The following DMRTB1 variants were observed in gnomAD, a reference collection of about 807,000 sequenced individuals.
DMRTB1 encodes the protein DMRT like family B with proline rich C-terminal 1, also known as doublesex- and mab-3-related transcription factor B1.
DMRTB1 carries 9 observed loss-of-function variants against 25.2 expected under a neutral mutation model. The observed-to-expected ratio is 0.36, with a 90% CI of 0.22 to 0.62. The LOEUF (loss-of-function observed/expected upper bound fraction) is 0.62. DMRTB1 is among the 20% of genes least tolerant of loss of function. DMRTB1 has a pLI of 0.71. For missense variants in DMRTB1, 551 were observed against 499.3 expected, an observed-to-expected ratio of 1.10 and a Z score of -0.99; for synonymous variants, 269 against 238.1, an observed-to-expected ratio of 1.13 and a Z score of -1.20.
intron 2 of DMRTB1, among the ~76,000 whole-genome samples, chr1:53,464,119 C>A (rs1402938509): frequency 2.6e-5 from 4 of 152,208 alleles, no homozygotes; most frequent in African/African-American, 9.7e-5. Context: ...TAAGTCACCA[C>A]ATGTGCCAGA....
chr1:53,463,848 C>G (rs759351886), intron 2 of DMRTB1, among the ~76,000 whole-genome samples: 1 of 152,190 alleles, frequency 6.6e-6, no homozygotes, highest in Non-Finnish European at 1.5e-5. Context: ...ATCCAAAACT[C>G]AGTATTATTT....
chr1:53,461,752 G>A (rs1483407894), intron 2 of DMRTB1, 107 bp downstream of exon 2: 123 of 1,323,828 alleles, frequency 9.3e-5, no homozygotes, highest in Non-Finnish European at 1.2e-4. Flanking sequence ...CTGTGCCCAC[G>A]CCATGCCAGC....
intron 2 of DMRTB1, among the ~76,000 whole-genome samples, chr1:53,462,915 G>C (rs1644029754): frequency 6.6e-6 from 1 of 152,256 alleles, no homozygotes; most frequent in African/African-American, 2.4e-5. Context: ...AAAGAGAGGG[G>C]CTCTGGCCAA....
Position 53,459,929 on chromosome 1 carries a change from G to A in DMRTB1, c.476G>A (p.Gly159Glu). 1 of 1,561,884 alleles carries A rather than the reference G, an allele frequency of 6.4e-7. No homozygotes were observed. Among genetic ancestry groups the A allele is most frequent in the East Asian group, 2.4e-5 (1 of 41,478 alleles). The change falls in exon 1 of 4, where the codon GGA becomes GAA. Residue 159 changes from glycine to glutamate, a missense_variant. By Grantham distance (98) the Gly-to-Glu change is moderately conservative. Coordinates refer to ENST00000371445, the MANE Select transcript of DMRTB1 (RefSeq NM_033067.3). ...GCCGTGGCGATGCCCAGCCTTGCGG[G>A]ACCCCCTTTTGGGGCGGAGGCCGCA... ...RAAVAMPSLA[G>E]PPFGAEAAGS...
At chr1:53,460,230 A>C in intron 1 of DMRTB1, 200 bp downstream of exon 1, 1 of 726,242 alleles carries the variant, frequency 1.4e-6, no homozygotes, top group Non-Finnish European at 2.1e-6. Context: ...ACAGAAAGGA[A>C]TGGGCGGTTC....
chr1:53,461,776 T>C (rs934395254), intron 2 of DMRTB1, 131 bp downstream of exon 2: 3 of 1,147,570 alleles, frequency 2.6e-6, no homozygotes, highest in Non-Finnish European at 3.6e-6. Context: ...CGAGTGCTGG[T>C]GGAGGACTAG....
In DMRTB1 at chr1:53,464,775, C is replaced by T; in HGVS notation, c.889C>T (p.Pro297Ser). 1 of 1,613,656 alleles carries T rather than the reference C, an allele frequency of 6.2e-7. No individual in the cohort carries two copies. Among genetic ancestry groups the T allele is most frequent in the Admixed American group, 1.7e-5 (1 of 60,018 alleles). ...GYLSALHFLP[P>S]PPPPPPPSSF... The stretch of plus-strand genomic sequence containing the variant: ...CCTCTCTGCGCTCCACTTCCTCCCC[C>T]CGCCACCGCCACCACCACCTCCATC... The change falls in exon 3 of 4, where the codon CCG becomes TCG. Residue 297 changes from proline to serine, a missense_variant. Transcript: ENST00000371445.
In DMRTB1 at chr1:53,461,611, A is replaced by G; in HGVS notation, c.716A>G (p.His239Arg). ...GTCCCCCTGCAGCAGGGCTTCCGGC[A>G]TGTGTCCCGCAGCCAGTACCAAGGC... ...PGVPLQQGFR[H>R]VSRSQYQGGG... Residue 239 changes from histidine to arginine, a missense_variant, in exon 2 of 4, where the codon CAT becomes CGT. His to Arg is a conservative substitution (Grantham distance 29). Coordinates refer to ENST00000371445, the MANE Select transcript of DMRTB1 (RefSeq NM_033067.3). 1.2e-6 allele frequency: 2 copies of G among 1,608,302 alleles called. No individual in the cohort carries two copies. The highest frequency in any genetic ancestry group is 8.5e-7 in the Non-Finnish European group (1 of 1,177,912).
At chr1:53,462,008 G>A (rs144056809) in intron 2 of DMRTB1, among the ~76,000 whole-genome samples, 65 of 152,236 alleles carry the variant, frequency 4.3e-4, no homozygotes, top group Middle Eastern at 6.8e-3. Flanking sequence ...AAAATTTAGG[G>A]CAGAGCCAGG....
rs1291740538 is a variant in DMRTB1, at chr1:53,459,646, C to G, written c.193C>G (p.Gln65Glu). The G allele has an allele frequency of 1.3e-6, 2 of 1,553,562 alleles. No homozygotes were observed. The highest frequency in any genetic ancestry group is 1.9e-5 in the Admixed American group (1 of 51,494). The change falls in exon 1 of 4, where the codon CAG (glutamine) becomes GAG (glutamate). Residue 65 changes from glutamine (Q) to glutamate (E), a missense_variant. Coordinates refer to ENST00000371445, the MANE Select transcript of DMRTB1 (RefSeq NM_033067.3). Reference sequence around the variant, plus strand: ...CAAGACGCAGGCCGCCGAGGAGGAGCAGGAGGCGGCCCTGTGTGCGCAGGG... The same window carrying G: ...CAAGACGCAGGCCGCCGAGGAGGAGGAGGAGGCGGCCCTGTGTGCGCAGGG... ...VLKTQAAEEE[Q>E]EAALCAQGPK...
At chr1:53,461,030 A>C (rs1644019157) in intron 1 of DMRTB1, among the ~76,000 whole-genome samples, 4 of 152,182 alleles carry the variant, frequency 2.6e-5, no homozygotes, top group Admixed American at 2.6e-4. Flanking sequence ...ACCATGAGCC[A>C]GGCATTCGTG....
intron 2 of DMRTB1, among the ~76,000 whole-genome samples, chr1:53,464,023 C>T (rs919285678): frequency 2.6e-5 from 4 of 152,208 alleles, no homozygotes; most frequent in African/African-American, 7.2e-5. Context: ...TGCCTGAAGT[C>T]ACCCAGTGTA....
chr1:53,461,506 T>C lies in DMRTB1; in HGVS notation c.611T>C (p.Leu204Pro). The C allele has an allele frequency of 6.2e-7, 1 of 1,608,992 alleles. No individual in the cohort carries two copies. The highest frequency in any genetic ancestry group is 8.5e-7 in the Non-Finnish European group (1 of 1,177,420). The change falls in exon 2 of 4, where the codon CTG (leucine) becomes CCG (proline). Residue 204 changes from leucine (L) to proline (P), a missense_variant. Coordinates refer to ENST00000371445, the MANE Select transcript of DMRTB1 (RefSeq NM_033067.3). ...CTGAACATCAACCCGGACCGTGCAC[T>C]GGGCCCTGAGTACCCTGGTGGCTCC... ...RPLNINPDRALGPEYPGGSSM... is the reference protein window; with the variant it reads ...RPLNINPDRAPGPEYPGGSSM...
chr1:53,461,874 T>A (rs1485194690), intron 2 of DMRTB1, among the ~76,000 whole-genome samples: 1 of 152,240 alleles, frequency 6.6e-6, no homozygotes, highest in Non-Finnish European at 1.5e-5. Context: ...CCTGTGCTTT[T>A]CAGGGCAGTG....
In DMRTB1 at chr1:53,461,892, A is replaced by G. The variant is rs187320524; in HGVS notation, c.750+247A>G. Among the ~76,000 whole-genome samples the G allele has an allele frequency of 6.8e-4, 104 of 152,286 alleles. No individual in the cohort carries two copies. The East Asian group carries it at 0.014, about 20-fold the overall frequency. On this transcript the variant is annotated intron_variant, in intron 2 of 3. Coordinates refer to ENST00000371445, the MANE Select transcript of DMRTB1 (RefSeq NM_033067.3). ...GTGCTTTTCAGGGCAGTGGGCTGAA[A>G]GGCTCTGAGCGTTCAGGATGACCCC...
Position 53,460,020 on chromosome 1 carries a change from C to T in DMRTB1, c.567C>T (p.Phe189=), listed in dbSNP as rs764675595. 6.3e-7 allele frequency: 1 copy of T among 1,579,240 alleles called. No individual in the cohort carries two copies. ...TGCGGACCGTGCCCGGCCCACTGTT[C>T]ACCGACTTTGGTAAGTCGTGGCCTT... ...RPMRTVPGPL[F]TDFVRPLNIN... Residue 189 remains phenylalanine (F), a synonymous_variant, in exon 1 of 4, where the codon TTC becomes TTT. Transcript: ENST00000371445.
At chr1:53,461,058 C>T (rs1444156112) in intron 1 of DMRTB1, among the ~76,000 whole-genome samples, 5 of 152,184 alleles carry the variant, frequency 3.3e-5, no homozygotes, top group African/African-American at 1.2e-4. Flanking sequence ...ACGCGGGTCA[C>T]ATTTCTTGCC....
In DMRTB1 at chr1:53,459,559, C is replaced by T. The variant is rs1201559400; in HGVS notation, c.106C>T (p.Leu36Phe). The T allele has an allele frequency of 1.2e-6, 2 of 1,611,162 alleles. No homozygotes were observed. Among genetic ancestry groups the T allele is most frequent in the African/African-American group, 1.3e-5 (1 of 74,934 alleles). The change falls in exon 1 of 4, where the codon CTC (leucine) becomes TTC (phenylalanine). Residue 36 changes from leucine to phenylalanine, a missense_variant. Coordinates refer to ENST00000371445, the MANE Select transcript of DMRTB1 (RefSeq NM_033067.3). ...HAGKCRWKQC[L>F]CEKCYLISER... ...GGGCAAATGCCGCTGGAAGCAGTGCCTCTGCGAGAAGTGCTACCTGATCTC... is the reference window on the plus strand; with the variant it reads ...GGGCAAATGCCGCTGGAAGCAGTGCTTCTGCGAGAAGTGCTACCTGATCTC...
At position 53,459,952 on chromosome 1, in the gene DMRTB1, G is replaced by A; in HGVS notation, c.499G>A (p.Ala167Thr). The A allele has an allele frequency of 1.3e-6, 2 of 1,572,370 alleles. No individual in the cohort carries two copies. Among genetic ancestry groups the A allele is most frequent in the Admixed American group, 1.7e-5 (1 of 58,036 alleles). The change falls in exon 1 of 4, where the codon GCA (alanine) becomes ACA (threonine). Residue 167 changes from alanine to threonine, a missense_variant. Ala to Thr is a moderately conservative substitution (Grantham distance 58, BLOSUM62 0). Coordinates refer to ENST00000371445, the MANE Select transcript of DMRTB1 (RefSeq NM_033067.3). ...LAGPPFGAEA[A>T]GSGYPGPLDL... is the part of the protein sequence containing the mutation. ...GGGACCCCCTTTTGGGGCGGAGGCC[G>A]CAGGCAGTGGCTACCCTGGCCCCCT...
Sources: gnomAD v4.1 joint callset for allele counts (sites outside exome capture counted in the v4.1 genomes callset) on GRCh38, gnomAD v4.1.1 for gene constraint, MANE v1.5 for transcripts, NCBI Gene and HGNC (gene_info 2026-07-23, HGNC 2026-07-21) for gene names.